The following ART1 variants were observed in gnomAD, a reference collection of about 807,000 sequenced individuals.
ART1 encodes the protein GPI-linked NAD(P)(+)--arginine ADP-ribosyltransferase 1.
Under a neutral mutation model 27.0 loss-of-function variants are expected in ART1, and 29 were observed. That is an observed-to-expected ratio of 1.08 (90% CI 0.80 to 1.47). The LOEUF is 1.47. ART1 is among the 40% of genes most tolerant of loss of function. ART1 has a pLI of 0.00. For synonymous variants in ART1, 201 were observed against 172.2 expected (o/e 1.17, Z -1.31); for missense variants, 480 against 423.0 (o/e 1.13, Z -1.18).
Position 3,648,163 on chromosome 11 carries a change from T to G in ART1, c.-53+2984T>G, listed in dbSNP as rs544332020. Reference sequence around the variant, plus strand: ...CCTTTGACTGTAATTTTCCTTTACCTACCCAAATCCTATAAAACGGCCCCA... The same window carrying G: ...CCTTTGACTGTAATTTTCCTTTACCGACCCAAATCCTATAAAACGGCCCCA... On this transcript the variant is annotated intron_variant, in intron 1 of 4. Transcript: ENST00000250693. 8.5e-5 allele frequency among the ~76,000 whole-genome samples: 13 copies of G among 152,214 alleles called. No homozygotes were observed. The South Asian group carries it at 2.5e-3, about 29-fold the overall frequency.
intron 1 of ART1, among the ~76,000 whole-genome samples, chr11:3,653,556 G>T (rs2077545480): frequency 6.6e-6 from 1 of 151,962 alleles, no homozygotes; most frequent in Non-Finnish European, 1.5e-5. Context: ...TTCGGACTCA[G>T]TCCACCTGCA....
intron 1 of ART1, among the ~76,000 whole-genome samples, chr11:3,650,841 G>A (rs61878532): frequency 0.45 from 46,554 of 104,542 alleles, 12,403 homozygotes; most frequent in Admixed American, 0.63. Flanking sequence ...CAAGTATAAG[G>A]CACCTCTACT....
intron 4 of ART1, among the ~76,000 whole-genome samples, chr11:3,662,562 A>C (rs1320266956): frequency 1.3e-5 from 2 of 152,094 alleles, no homozygotes; most frequent in African/African-American, 4.8e-5. Flanking sequence ...GGGCAAAGAG[A>C]GGCCGGGTGT....
rs1011307452 is a variant in ART1, at chr11:3,664,246, C to A, written c.*57C>A. 2.0e-6 allele frequency: 3 copies of A among 1,528,912 alleles called. No homozygotes were observed. The East Asian group carries it at 6.8e-5, about 34-fold the overall frequency. The allele number at this position is 1,528,912 out of a possible 1,614,324, so 94.7% of individuals were successfully genotyped here. On this transcript the variant is annotated 3_prime_UTR_variant, in exon 5 of 5. Coordinates refer to ENST00000250693, the MANE Select transcript of ART1 (RefSeq NM_004314.3). ...CCTCTGCCCATCCTGAGGATGTTGGCCATGTGTGCTTTCAGTGTAACCAAG... is the reference window on the plus strand; with the variant it reads ...CCTCTGCCCATCCTGAGGATGTTGGACATGTGTGCTTTCAGTGTAACCAAG...
intron 1 of ART1, among the ~76,000 whole-genome samples, chr11:3,653,350 T>C (rs892223780): frequency 6.8e-6 from 1 of 148,130 alleles, no homozygotes; most frequent in Admixed American, 6.6e-5. Flanking sequence ...AAATGGCCGG[T>C]TCCTGCCTTA....
intron 1 of ART1, among the ~76,000 whole-genome samples, chr11:3,648,627 C>T (rs1046297630): frequency 1.3e-5 from 2 of 152,162 alleles, no homozygotes; most frequent in African/African-American, 4.8e-5. Context: ...AAAACTCCGG[C>T]GCCGGTCACG....
At chr11:3,647,480 A>G in intron 1 of ART1, among the ~76,000 whole-genome samples, 1 of 151,758 alleles carries the variant, frequency 6.6e-6, no homozygotes, top group South Asian at 2.1e-4. Flanking sequence ...AACTAAATAC[A>G]AAAATTAGCT....
chr11:3,652,126 C>T (rs1003878713), intron 1 of ART1, among the ~76,000 whole-genome samples: 8 of 150,814 alleles, frequency 5.3e-5, no homozygotes, highest in East Asian at 1.9e-4. Context: ...ACATCAAGCT[C>T]GAGGATTTGC....
In ART1 at chr11:3,659,550, T is replaced by C. The variant is rs1216738447; in HGVS notation, c.64-33T>C. The C allele has an allele frequency of 1.9e-6, 3 of 1,552,492 alleles. No homozygotes were observed. The African/African-American group carries it at 4.1e-5, about 21-fold the overall frequency. ...GGGGACTCATTCTCCCAGGGGCCTATCCTCTCAGTCCCTGCTACTCCTGTC... is the reference window on the plus strand; with the variant it reads ...GGGGACTCATTCTCCCAGGGGCCTACCCTCTCAGTCCCTGCTACTCCTGTC... On this transcript the variant is annotated intron_variant, in intron 2 of 4. Coordinates refer to ENST00000250693, the MANE Select transcript of ART1 (RefSeq NM_004314.3).
intron 1 of ART1, among the ~76,000 whole-genome samples, chr11:3,655,028 A>T (rs143133987): frequency 6.6e-6 from 1 of 152,156 alleles, no homozygotes; most frequent in African/African-American, 2.4e-5. Flanking sequence ...GCAAACAAAC[A>T]TTTACTCCCA....
At chr11:3,655,153 C>G (rs990491866) in intron 1 of ART1, among the ~76,000 whole-genome samples, 13 of 152,178 alleles carry the variant, frequency 8.5e-5, no homozygotes, top group Admixed American at 7.2e-4. Context: ...CTGGGCTGGG[C>G]TCAGGTCTGT....
chr11:3,662,314 C>T (rs1281285331), intron 4 of ART1, among the ~76,000 whole-genome samples: 5 of 152,214 alleles, frequency 3.3e-5, no homozygotes, highest in African/African-American at 9.6e-5. Flanking sequence ...CTTGGTGTGC[C>T]AAGGCCTACC....
intron 1 of ART1, among the ~76,000 whole-genome samples, chr11:3,656,370 ATTTATTTATTTATTTATTTT>A (rs1034886802): frequency 4.2e-5 from 5 of 117,692 alleles, no homozygotes; most frequent in Non-Finnish European, 1.0e-4. Context: ...TTATTTATTT[ATTTATTTATTTATTTATTTT>A]TTAAATTTTT....
chr11:3,663,089 A>ATCATCTCATC (rs58565508), intron 4 of ART1, among the ~76,000 whole-genome samples: 9,450 of 86,714 alleles, frequency 0.11, 862 homozygotes, highest in Admixed American at 0.2. Context: ...ATCTCATCTC[A>ATCATCTCATC]TCATCTCATC....
At chr11:3,652,663 C>A (rs970494878) in intron 1 of ART1, among the ~76,000 whole-genome samples, 3 of 152,006 alleles carry the variant, frequency 2.0e-5, no homozygotes, top group African/African-American at 7.3e-5. Context: ...CCCAAAAGAA[C>A]TTGTCATCCC....
chr11:3,646,967 G>T (rs1188557905), intron 1 of ART1, among the ~76,000 whole-genome samples: 4 of 151,994 alleles, frequency 2.6e-5, no homozygotes, highest in African/African-American at 4.8e-5. Context: ...TGTAAAGAGG[G>T]TACATCTCAC....
intron 1 of ART1, among the ~76,000 whole-genome samples, chr11:3,658,237 G>C (rs973646761): frequency 6.6e-6 from 1 of 151,370 alleles, no homozygotes; most frequent in African/African-American, 2.4e-5. Flanking sequence ...GGAGGCTGAG[G>C]CAAAAGAATC....
rs1554883212 is a variant in ART1 at position 3,663,076 on chromosome 11, A to ATC, written c.887-1015_887-1014dup. ...ATCTCATCTCATCTCATCTCATCTC[A>ATC]TCATCTCATCTCATCATCTCATCTC... is the stretch of plus-strand genomic sequence containing the variant. On this transcript the variant is annotated intron_variant, in intron 4 of 4. Transcript: ENST00000250693. Among the ~76,000 whole-genome samples, 715 of 73,986 alleles carry ATC rather than the reference A, an allele frequency of 9.7e-3. 7 individuals are homozygous for ATC. The highest frequency in any genetic ancestry group is 0.03 in the Middle Eastern group (5 of 166). 48.5% of individuals were successfully genotyped at this position (73,986 alleles called of 152,430 possible). A position where few individuals can be genotyped will look rare whatever the true frequency, so the allele number is the denominator to read the frequency against.
At chr11:3,659,521 G>T in intron 2 of ART1, 62 bp from the exon 3 acceptor site, 2 of 1,511,582 alleles carry the variant, frequency 1.3e-6, no homozygotes, top group South Asian at 1.3e-5. Flanking sequence ...AGAGCTGGAT[G>T]GCAGGGGACT....
Sources: allele counts gnomAD v4.1 joint callset (sites outside exome capture counted in the v4.1 genomes callset), GRCh38; gene constraint gnomAD v4.1.1; transcripts MANE v1.5; gene names NCBI Gene and HGNC (gene_info 2026-07-23, HGNC 2026-07-21).